GPC1: variants seen among roughly 807,000 people sequenced by gnomAD.
GPC1 encodes the protein glypican 1, also known as glypican-1.
A neutral mutation model predicts 51.5 loss-of-function variants in GPC1; 26 were observed. That is an observed-to-expected ratio of 0.50 (90% CI 0.37 to 0.70). GPC1 has a LOEUF of 0.70. Among genes scored for constraint, GPC1 ranks in the 30% least tolerant of loss-of-function variants. The pLI, the probability that GPC1 is intolerant of heterozygous loss-of-function variation, is 0.00. For synonymous variants in GPC1, 380 were observed against 348.3 expected, an observed-to-expected ratio of 1.09 and a Z score of -1.01; for missense variants, 775 against 800.5, an observed-to-expected ratio of 0.97 and a Z score of 0.38.
At chr2:240,436,392 G>A (rs2073984573) in intron 1 of GPC1, among the ~76,000 whole-genome samples, 1 of 152,066 alleles carries the variant, frequency 6.6e-6, no homozygotes, top group Non-Finnish European at 1.5e-5. Flanking sequence ...GGCTCGGGGC[G>A]CTCCTCCCGG....
rs1448508874 is a variant in GPC1 at position 240,448,446 on chromosome 2, G to A, written c.167-10584G>A. On this transcript the variant is annotated intron_variant, in intron 1 of 8. Coordinates refer to ENST00000264039, the MANE Select transcript of GPC1 (RefSeq NM_002081.3). The surrounding 1 kb of genome is among the most constrained non-coding windows in gnomAD (Gnocchi z 4.5). ...GGCAGTCCGGGTGTAGATAGTCCCT[G>A]CCAGGAAGTCTGGGTGTAGACGGGG... Among the ~76,000 whole-genome samples, 4 of 152,192 alleles carry A rather than the reference G, an allele frequency of 2.6e-5. No individual in the cohort carries two copies. Among genetic ancestry groups the A allele is most frequent in the Non-Finnish European group, 5.9e-5 (4 of 68,032 alleles).
intron 1 of GPC1, chr2:240,453,056 C>A: frequency 3.0e-6 from 1 of 333,548 alleles, no homozygotes; most frequent in South Asian, 2.1e-5. Flanking sequence ...GGAAGCCAGG[C>A]CCGAGGACCT....
At chr2:240,458,574 A>G (rs531696135) in intron 1 of GPC1, 70 of 173,306 alleles carry the variant, frequency 4.0e-4, no homozygotes, top group African/African-American at 1.4e-3. Context: ...CCGTCCTTGC[A>G]GTGGGAGCTT....
At chr2:240,437,525 G>A (rs1226905031) in intron 1 of GPC1, among the ~76,000 whole-genome samples, 1 of 152,080 alleles carries the variant, frequency 6.6e-6, no homozygotes, top group African/African-American at 2.4e-5. Context: ...CTCTGCAGAG[G>A]CAACCCTGTC....
intron 8 of GPC1, 83 bp downstream of exon 8, chr2:240,465,731 C>G: frequency 8.4e-7 from 1 of 1,185,274 alleles, no homozygotes; most frequent in Non-Finnish European, 1.2e-6. Flanking sequence ...CCGGGTTCCC[C>G]CACCCGAGGG....
intron 1 of GPC1, chr2:240,458,150 G>T (rs1314982202): frequency 2.2e-6 from 1 of 452,096 alleles, no homozygotes; most frequent in Non-Finnish European, 4.7e-6. Context: ...ATAAAATGAG[G>T]ATTGCGGCAG....
intron 1 of GPC1, chr2:240,452,963 A>G: frequency 3.0e-6 from 1 of 331,232 alleles, no homozygotes; most frequent in Non-Finnish European, 6.0e-6. Flanking sequence ...CCCCGGCCCG[A>G]GCACCTGCAC....
At position 240,463,430 on chromosome 2, in the gene GPC1, C is replaced by T. The variant is rs969837448; in HGVS notation, c.801C>T (p.Pro267=). Residue 267 remains proline (P), a synonymous_variant, in exon 4 of 9, where the codon CCC becomes CCT. Coordinates refer to ENST00000264039, the MANE Select transcript of GPC1 (RefSeq NM_002081.3). ...GCCTGGGAGTCCCCGGCGCCAGGCCCTGCCCTGACTATTGCCGAAATGTGC... is the reference window on the plus strand; with the variant it reads ...GCCTGGGAGTCCCCGGCGCCAGGCCTTGCCCTGACTATTGCCGAAATGTGC... ...AHCLGVPGAR[P]CPDYCRNVLK... is the part of the protein sequence containing the mutation. The T allele has an allele frequency of 6.2e-7, 1 of 1,612,746 alleles. No homozygotes were observed. Among genetic ancestry groups the T allele is most frequent in the Non-Finnish European group, 8.5e-7 (1 of 1,179,688 alleles).
chr2:240,462,868 C>T (rs1369087507), intron 3 of GPC1, among the ~76,000 whole-genome samples: 2 of 152,116 alleles, frequency 1.3e-5, no homozygotes, highest in African/African-American at 2.4e-5. Flanking sequence ...TGGGGCTGGA[C>T]GCTGAGCCAG....
At chr2:240,446,206 T>C (rs2074049568) in intron 1 of GPC1, among the ~76,000 whole-genome samples, 1 of 151,852 alleles carries the variant, frequency 6.6e-6, no homozygotes, top group Admixed American at 6.6e-5. Flanking sequence ...TCGTGGGGAG[T>C]CCCCAGGCAC....
chr2:240,447,151 T>G (rs963608530), intron 1 of GPC1, among the ~76,000 whole-genome samples: 1 of 152,020 alleles, frequency 6.6e-6, no homozygotes, highest in African/African-American at 2.4e-5. Flanking sequence ...AGGCAGGGTC[T>G]GAGGGCATTA....
At position 240,463,393 on chromosome 2, in the gene GPC1, A is replaced by G. The variant is rs2074233760; in HGVS notation, c.764A>G (p.Tyr255Cys). The G allele has an allele frequency of 1.2e-6, 2 of 1,612,738 alleles. No homozygotes were observed. The highest frequency in any genetic ancestry group is 1.1e-5 in the South Asian group (1 of 91,078). Reference protein sequence around the residue: ...ECSRAVMKLVYCAHCLGVPGA... With the variant: ...ECSRAVMKLVCCAHCLGVPGA... ...TCGAGAGCTGTCATGAAGCTGGTCT[A>G]CTGTGCTCACTGCCTGGGAGTCCCC... Residue 255 changes from tyrosine to cysteine, a missense_variant, in exon 4 of 9, where the codon TAC (tyrosine) becomes TGC (cysteine). Coordinates refer to ENST00000264039, the MANE Select transcript of GPC1 (RefSeq NM_002081.3).
rs752505184 is a variant in GPC1 at position 240,466,120 on chromosome 2, G to C, written c.1507G>C (p.Val503Leu). The C allele has an allele frequency of 2.5e-6, 4 of 1,612,858 alleles. No individual in the cohort carries two copies. In the African/African-American group the frequency reaches 5.3e-5, roughly 22 times the overall value. Residue 503 changes from valine (V) to leucine (L), a missense_variant, in exon 9 of 9, where the codon GTC becomes CTC. Transcript: ENST00000264039. ...TCTGGATGACCTCTGCAGCCGGAAG[G>C]TCAGCAGGAAGAGCTCCAGCTCCCG... ...GCLDDLCSRK[V>L]SRKSSSSRTP... is the part of the protein sequence containing the mutation.
chr2:240,463,447 G>A lies in GPC1; in HGVS notation c.818G>A (p.Arg273Gln), dbSNP rs750393410. The change falls in exon 4 of 9, where the codon CGA becomes CAA. Residue 273 changes from arginine (R) to glutamine (Q), a missense_variant. Physicochemically the swap from Arg to Gln is conservative, Grantham distance 43 (BLOSUM62 1). Coordinates refer to ENST00000264039, the MANE Select transcript of GPC1 (RefSeq NM_002081.3). ...GCCAGGCCCTGCCCTGACTATTGCC[G>A]AAATGTGCTCAAGGGCTGCCTTGCC... Reference protein sequence around the residue: ...PGARPCPDYCRNVLKGCLANQ... With the variant: ...PGARPCPDYCQNVLKGCLANQ... The A allele has an allele frequency of 1.1e-5, 18 of 1,612,918 alleles. No homozygotes were observed. The highest frequency in any genetic ancestry group is 4.5e-5 in the East Asian group (2 of 44,888).
At chr2:240,443,581 C>T (rs1196204578) in intron 1 of GPC1, among the ~76,000 whole-genome samples, 1 of 152,146 alleles carries the variant, frequency 6.6e-6, no homozygotes, top group African/African-American at 2.4e-5. Flanking sequence ...CACTGCAAAT[C>T]ATCCCTGAGG....
intron 8 of GPC1, among the ~76,000 whole-genome samples, 179 bp downstream of exon 8, chr2:240,465,827 C>T (rs1181134294): frequency 6.6e-6 from 1 of 151,920 alleles, no homozygotes; most frequent in Non-Finnish European, 1.5e-5. Flanking sequence ...TCTGCGGCGC[C>T]CTGGAGGCCT....
intron 1 of GPC1, among the ~76,000 whole-genome samples, chr2:240,445,918 C>T (rs565240022): frequency 1.9e-4 from 29 of 152,312 alleles, no homozygotes; most frequent in East Asian, 9.6e-4. Flanking sequence ...GAAGCACGTG[C>T]GTTGCCACCT....
At chr2:240,462,778 C>G (rs2074227939) in intron 3 of GPC1, among the ~76,000 whole-genome samples, 196 bp downstream of exon 3, 1 of 152,250 alleles carries the variant, frequency 6.6e-6, no homozygotes, top group African/African-American at 2.4e-5. Context: ...CAGATGTGAG[C>G]CTTGCTCTGG....
intron 1 of GPC1, among the ~76,000 whole-genome samples, chr2:240,438,225 G>A (rs557124509): frequency 5.9e-5 from 9 of 152,290 alleles, no homozygotes; most frequent in East Asian, 1.9e-4. Context: ...CTCTCCAGTC[G>A]GTGCCCCTCC....
Sources: allele counts gnomAD v4.1 joint callset (sites outside exome capture counted in the v4.1 genomes callset), GRCh38; gene constraint gnomAD v4.1.1; non-coding constraint Gnocchi (gnomAD v3.1); transcripts MANE v1.5; gene names NCBI Gene and HGNC (gene_info 2026-07-23, HGNC 2026-07-21).